Variants in SLC30A6 observed in about 807,000 individuals in gnomAD.
SLC30A6 encodes zinc transporter 6.
A neutral mutation model predicts 63.0 loss-of-function variants in SLC30A6; 55 were observed. That is an observed-to-expected ratio of 0.87 (90% CI 0.70 to 1.09). The LOEUF (loss-of-function observed/expected upper bound fraction) is 1.09. Among genes scored for constraint, SLC30A6 ranks in the 50% least tolerant of loss-of-function variants. The pLI is 0.00. For missense variants in SLC30A6, 587 were observed against 549.2 expected (o/e 1.07, Z -0.69); for synonymous variants, 224 against 186.1 (o/e 1.20, Z -1.66).
intron 2 of SLC30A6, 83 bp from the exon 3 acceptor site, chr2:32,173,980 C>A: frequency 1.0e-6 from 1 of 969,112 alleles, no homozygotes; most frequent in Non-Finnish European, 1.6e-6. Context: ...CTTTGAATAT[C>A]AGAGTATAAA....
At position 32,193,890 on chromosome 2, in the gene SLC30A6, G is replaced by A; in HGVS notation, c.403G>A (p.Gly135Arg). The change falls in exon 8 of 14, where the codon GGA becomes AGA. Residue 135 changes from glycine (G) to arginine (R), a missense_variant and splice_region_variant. By Grantham distance (125) the Gly-to-Arg change is moderately radical. Coordinates refer to ENST00000282587, the MANE Select transcript of SLC30A6 (RefSeq NM_017964.5). ...RFLEQPEIHT[G>R]RLLVGTFVAL... ...GAATGTTATCGTTGTTCTTTTTAGG[G>A]GAAGATTATTAGTTGGTACTTTTGT... 1 of 1,610,794 alleles carries A rather than the reference G, an allele frequency of 6.2e-7. No individual in the cohort carries two copies.
chr2:32,173,961 T>C (rs1681469657), intron 2 of SLC30A6, 102 bp from the exon 3 acceptor site: 6 of 805,470 alleles, frequency 7.4e-6, no homozygotes, highest in East Asian at 2.7e-5. Flanking sequence ...AAGGAAGTTA[T>C]GTTTATTCCT....
chr2:32,208,374 G>A lies in SLC30A6; in HGVS notation c.817-1119G>A, dbSNP rs185167458. On this transcript the variant is annotated intron_variant, in intron 12 of 13. Transcript: ENST00000282587. ...TCGAACTCCTGACCTCAAATGATCC[G>A]CCCCTTGTGACCTCCCAAAATGCTG... 2.2e-4 allele frequency among the ~76,000 whole-genome samples: 33 copies of A among 150,740 alleles called. No individual in the cohort carries two copies. The Middle Eastern group carries it at 0.014, about 65-fold the overall frequency.
intron 4 of SLC30A6, chr2:32,177,553 A>G (rs1681875351): frequency 4.9e-6 from 1 of 203,968 alleles, no homozygotes; most frequent in Non-Finnish European, 1.1e-5. Flanking sequence ...CGGCCTACCA[A>G]AGTGCTGGGA....
chr2:32,212,444 T>A (rs1386888126), intron 13 of SLC30A6, among the ~76,000 whole-genome samples: 2 of 152,032 alleles, frequency 1.3e-5, no homozygotes, highest in African/African-American at 4.8e-5. Context: ...TTATGTGAAA[T>A]TAGTTTTCCT....
intron 12 of SLC30A6, 93 bp downstream of exon 12, chr2:32,207,026 TTTTA>T (rs1397206994): frequency 1.9e-6 from 2 of 1,053,546 alleles, no homozygotes; most frequent in South Asian, 1.4e-5. Context: ...CTACCTAGAA[TTTTA>T]TTTGAGGGAA....
chr2:32,203,668 T>G, intron 10 of SLC30A6: 1 of 1,559,468 alleles, frequency 6.4e-7, no homozygotes, highest in South Asian at 1.1e-5. Flanking sequence ...TACCAGAATG[T>G]GCCTCCTGAA....
intron 5 of SLC30A6, among the ~76,000 whole-genome samples, chr2:32,186,403 G>C (rs1485435379): frequency 6.6e-6 from 1 of 152,144 alleles, no homozygotes; most frequent in African/African-American, 2.4e-5. Context: ...ACTTAGTTTG[G>C]GGCCTGGTGC....
chr2:32,193,180 T>G (rs137952653), intron 7 of SLC30A6, among the ~76,000 whole-genome samples: 1 of 152,286 alleles, frequency 6.6e-6, no homozygotes, highest in Non-Finnish European at 1.5e-5. Context: ...TATCTTGGCT[T>G]CAGGCTTCTC....
intron 13 of SLC30A6, among the ~76,000 whole-genome samples, chr2:32,215,908 G>A (rs1274932822): frequency 6.6e-6 from 1 of 151,874 alleles, no homozygotes; most frequent in Non-Finnish European, 1.5e-5. Flanking sequence ...GTCCAGGCTG[G>A]TCTCAAACTC....
intron 1 of SLC30A6, 23 bp from the exon 2 acceptor site, chr2:32,171,264 A>C: frequency 1.9e-6 from 3 of 1,595,278 alleles, no homozygotes; most frequent in Non-Finnish European, 2.6e-6. Context: ...CTAAATGCTG[A>C]TTTGTATATG....
intron 4 of SLC30A6, chr2:32,177,431 C>T: frequency 5.1e-6 from 1 of 197,570 alleles, no homozygotes; most frequent in Non-Finnish European, 1.1e-5. Flanking sequence ...GCTGGGATTA[C>T]AGGCATGTAC....
chr2:32,214,769 C>A (rs989566127), intron 13 of SLC30A6, among the ~76,000 whole-genome samples: 1 of 152,158 alleles, frequency 6.6e-6, no homozygotes. Flanking sequence ...TTATAGGAGA[C>A]TTTTCAAGTT....
chr2:32,217,116 T>C (rs1489124946), intron 13 of SLC30A6, among the ~76,000 whole-genome samples: 1 of 152,082 alleles, frequency 6.6e-6, no homozygotes, highest in Non-Finnish European at 1.5e-5. Context: ...CAGGCTGGTC[T>C]TGAACTCCTG....
intron 1 of SLC30A6, among the ~76,000 whole-genome samples, chr2:32,171,083 A>C (rs1681159131): frequency 6.6e-6 from 1 of 152,240 alleles, no homozygotes; most frequent in Admixed American, 6.5e-5. Context: ...TGGATGACTT[A>C]CTAAAAGTTG....
intron 6 of SLC30A6, 42 bp from the exon 7 acceptor site, chr2:32,192,876 A>G (rs1431734072): frequency 3.1e-6 from 4 of 1,285,754 alleles, no homozygotes; most frequent in Non-Finnish European, 4.2e-6. Context: ...TTTTAACTTT[A>G]TAATTTATAG....
chr2:32,175,314 TGC>T lies in SLC30A6; in HGVS notation c.176-4_176-3del, dbSNP rs1436184121. The T allele has an allele frequency of 6.2e-7, 1 of 1,610,364 alleles. No homozygotes were observed. Among genetic ancestry groups the T allele is most frequent in the Non-Finnish European group, 8.5e-7 (1 of 1,178,948 alleles). On this transcript the variant is annotated splice_polypyrimidine_tract_variant and splice_region_variant and intron_variant, in intron 3 of 13. Coordinates refer to ENST00000282587, the MANE Select transcript of SLC30A6 (RefSeq NM_017964.5). The stretch of plus-strand genomic sequence containing the variant: ...ACTTTTAATCATTTTTTTGTTGTTT[TGC>T]AGCTTTAACTGCCTATACTTACCTG...
chr2:32,192,421 A>G lies in SLC30A6; in HGVS notation c.365+5A>G, dbSNP rs1683409691. On this transcript the variant is annotated splice_donor_5th_base_variant and intron_variant, in intron 6 of 13. Coordinates refer to ENST00000282587, the MANE Select transcript of SLC30A6 (RefSeq NM_017964.5). ...TCTCTTTATATTAAAAGAAAGGTAC[A>G]TTTGTATAGGATATTATTCTAAATC... is the stretch of plus-strand genomic sequence containing the variant. The G allele has an allele frequency of 3.1e-6, 5 of 1,610,958 alleles. No homozygotes were observed. Among genetic ancestry groups the G allele is most frequent in the Middle Eastern group, 1.7e-4 (1 of 6,060 alleles).
chr2:32,168,430 A>C (rs1293806348), intron 1 of SLC30A6, among the ~76,000 whole-genome samples: 1 of 148,860 alleles, frequency 6.7e-6, no homozygotes, highest in Non-Finnish European at 1.5e-5. Flanking sequence ...AATAATATAA[A>C]TATATAATAT....
Sources: allele counts gnomAD v4.1 joint callset (sites outside exome capture counted in the v4.1 genomes callset), GRCh38; gene constraint gnomAD v4.1.1; transcripts MANE v1.5; gene names NCBI Gene and HGNC (gene_info 2026-07-23, HGNC 2026-07-21).